The following CD300LF variants were observed in gnomAD, a reference collection of about 807,000 sequenced individuals.
The protein encoded by CD300LF is CMRF35-like molecule 1.
In CD300LF, 27 loss-of-function variants were observed where a neutral mutation model predicts 32.2. The observed-to-expected ratio is 0.84, with a 90% CI of 0.62 to 1.15. The LOEUF is 1.15. Among genes scored for constraint, CD300LF ranks in the 50% most tolerant of loss-of-function variants. The pLI, the probability that CD300LF is intolerant of heterozygous loss-of-function variation, is 0.00. For missense variants in CD300LF, 348 were observed against 356.8 expected, an observed-to-expected ratio of 0.98 and a Z score of 0.20; for synonymous variants, 139 against 143.2, an observed-to-expected ratio of 0.97 and a Z score of 0.21.
rs766095230 is a variant in CD300LF, at chr17:74,695,301, T to C, written c.718-50A>G. 8.7e-6 allele frequency: 14 copies of C among 1,606,454 alleles called. No homozygotes were observed. The South Asian group carries it at 1.2e-4, about 14-fold the overall frequency. ...CAGAGAGGACGGCAGGAAGTGACGGTCACGGGGCAGAGGAGCCCTCGGAGG... is the reference window on the plus strand; with the variant it reads ...CAGAGAGGACGGCAGGAAGTGACGGCCACGGGGCAGAGGAGCCCTCGGAGG... On this transcript the variant is annotated intron_variant, in intron 6 of 6. Coordinates refer to ENST00000326165, the MANE Select transcript of CD300LF (RefSeq NM_139018.5).
At chr17:74,702,529 A>T (rs1318933608) in intron 3 of CD300LF, among the ~76,000 whole-genome samples, 2 of 152,164 alleles carry the variant, frequency 1.3e-5, no homozygotes, top group Non-Finnish European at 2.9e-5. Context: ...TATAGGCATC[A>T]CTGTTCTTGC....
At chr17:74,711,191 G>T (rs1289724939) in intron 1 of CD300LF, among the ~76,000 whole-genome samples, 1 of 152,170 alleles carries the variant, frequency 6.6e-6, no homozygotes, top group Non-Finnish European at 1.5e-5. Flanking sequence ...AGGAGAGGCT[G>T]GCAAGAGCTG....
intron 1 of CD300LF, among the ~76,000 whole-genome samples, chr17:74,709,533 T>G (rs2033794152): frequency 6.6e-6 from 1 of 152,152 alleles, no homozygotes; most frequent in Non-Finnish European, 1.5e-5. Flanking sequence ...TTAAAAAGAC[T>G]TTTAGGACAC....
chr17:74,704,686 A>G lies in CD300LF; in HGVS notation c.174T>C (p.Ile58=). The G allele has an allele frequency of 6.2e-7, 1 of 1,614,172 alleles. No individual in the cohort carries two copies. Among genetic ancestry groups the G allele is most frequent in the Non-Finnish European group, 8.5e-7 (1 of 1,180,038 alleles). The change falls in exon 2 of 7, where the codon ATT becomes ATC. Residue 58 remains isoleucine, a synonymous_variant. Coordinates refer to ENST00000326165, the MANE Select transcript of CD300LF (RefSeq NM_139018.5). ...TYLKWWCRGA[I]WRDCKILVKT... ...TAACAAGGATCTTGCAGTCACGCCAAATAGCTCCTCGACACCACCACTTCA... is the reference window on the plus strand; with the variant it reads ...TAACAAGGATCTTGCAGTCACGCCAGATAGCTCCTCGACACCACCACTTCA...
chr17:74,704,939 C>T (rs917671256), intron 1 of CD300LF, 123 bp from the exon 2 acceptor site: 1 of 770,514 alleles, frequency 1.3e-6, no homozygotes, highest in Non-Finnish European at 2.1e-6. Context: ...GGAAGAAATA[C>T]ACCTTCCGCA....
intron 1 of CD300LF, among the ~76,000 whole-genome samples, chr17:74,707,794 A>G (rs912157483): frequency 1.3e-5 from 2 of 152,200 alleles, no homozygotes; most frequent in South Asian, 4.1e-4. Flanking sequence ...CATGAATAAG[A>G]TAAAAGGATA....
rs2032283267 is a variant in CD300LF at position 74,694,944 on chromosome 17, C to G, written c.*152G>C. ...CTAGAAGCCCCCTGAGACTTGGCCCCAAGCCCAACCCAGAGCTAGGGGCAA... is the reference window on the plus strand; with the variant it reads ...CTAGAAGCCCCCTGAGACTTGGCCCGAAGCCCAACCCAGAGCTAGGGGCAA... On this transcript the variant is annotated 3_prime_UTR_variant, in exon 7 of 7. Transcript: ENST00000326165. The G allele has an allele frequency of 1.3e-5, 11 of 834,996 alleles. No homozygotes were observed. The East Asian group carries it at 2.9e-4, about 22-fold the overall frequency. 51.7% of individuals were successfully genotyped at this position (834,996 alleles called of 1,614,324 possible).
chr17:74,698,148 G>A (rs1235679639), intron 4 of CD300LF, among the ~76,000 whole-genome samples: 5 of 152,208 alleles, frequency 3.3e-5, no homozygotes, highest in African/African-American at 1.2e-4. Context: ...GAAGGGGAAG[G>A]ACGGAGGTGC....
At chr17:74,711,225 T>C (rs2033938226) in intron 1 of CD300LF, among the ~76,000 whole-genome samples, 1 of 152,114 alleles carries the variant, frequency 6.6e-6, no homozygotes, top group African/African-American at 2.4e-5. Flanking sequence ...CACAGTGGTA[T>C]CCGGGCTCCA....
At chr17:74,712,045 G>A (rs2034005094) in intron 1 of CD300LF, among the ~76,000 whole-genome samples, 1 of 150,690 alleles carries the variant, frequency 6.6e-6, no homozygotes, top group African/African-American at 2.4e-5. Context: ...CCAAGTAGCT[G>A]GGACCATAGG....
chr17:74,696,850 C>T (rs2032526603), intron 4 of CD300LF, among the ~76,000 whole-genome samples: 2 of 152,104 alleles, frequency 1.3e-5, no homozygotes, highest in South Asian at 4.2e-4. Flanking sequence ...CCAAGCTGTC[C>T]CCCAACCCCG....
intron 1 of CD300LF, among the ~76,000 whole-genome samples, chr17:74,708,849 G>A (rs993294226): frequency 2.6e-5 from 4 of 151,046 alleles, no homozygotes; most frequent in Non-Finnish European, 4.4e-5. Context: ...CGGGGGGGCG[G>A]AGCTTGCAGT....
chr17:74,704,083 A>G (rs2033303707), intron 2 of CD300LF, among the ~76,000 whole-genome samples: 1 of 152,172 alleles, frequency 6.6e-6, no homozygotes, highest in South Asian at 2.1e-4. Flanking sequence ...ATGAAGCCCC[A>G]GCCCAGAACT....
In CD300LF at chr17:74,704,458, A is replaced by G. The variant is rs746517356; in HGVS notation, c.382+20T>C. The G allele has an allele frequency of 9.0e-6, 14 of 1,562,448 alleles. No individual in the cohort carries two copies. In the African/African-American group the frequency reaches 1.8e-4, roughly 20 times the overall value. ...AGAGCAGGCCCTGAGAGACACACACATATATACACTCCCTCTTACCTGGGT... is the reference window on the plus strand; with the variant it reads ...AGAGCAGGCCCTGAGAGACACACACGTATATACACTCCCTCTTACCTGGGT... On this transcript the variant is annotated intron_variant, in intron 2 of 6. Coordinates refer to ENST00000326165, the MANE Select transcript of CD300LF (RefSeq NM_139018.5).
rs1044657226 is a variant in CD300LF at position 74,696,002 on chromosome 17, C to T, written c.583-143G>A. On this transcript the variant is annotated intron_variant, in intron 5 of 6. Coordinates refer to ENST00000326165, the MANE Select transcript of CD300LF (RefSeq NM_139018.5). ...CCCTCCGTGTCCTCCACTTCTCAGG[C>T]TCCTGTACCCCTCAGCCCTTGTCCC... 10 of 1,261,366 alleles carry T rather than the reference C, an allele frequency of 7.9e-6. No homozygotes were observed. The African/African-American group carries it at 1.5e-4, about 19-fold the overall frequency. 78.1% of individuals were successfully genotyped at this position (1,261,366 alleles called of 1,614,324 possible). A position where few individuals can be genotyped will look rare whatever the true frequency, so the allele number is the denominator to read the frequency against.
intron 3 of CD300LF, among the ~76,000 whole-genome samples, chr17:74,699,938 C>T (rs1470664816): frequency 6.6e-6 from 1 of 151,880 alleles, no homozygotes; most frequent in African/African-American, 2.4e-5. Context: ...GTCAGGAGTT[C>T]AAGACCAGCC....
intron 1 of CD300LF, among the ~76,000 whole-genome samples, chr17:74,712,582 C>T (rs2034046991): frequency 6.6e-6 from 1 of 152,218 alleles, no homozygotes; most frequent in Non-Finnish European, 1.5e-5. Flanking sequence ...ACAGTCTGTC[C>T]ATTTCACATG....
At chr17:74,710,704 CGA>C (rs780529290) in intron 1 of CD300LF, among the ~76,000 whole-genome samples, 244 of 139,600 alleles carry the variant, frequency 1.7e-3, no homozygotes, top group African/African-American at 4.8e-3. Flanking sequence ...ACTAAAAATA[CGA>C]AAAAAAAAAA....
intron 3 of CD300LF, chr17:74,698,702 C>A: frequency 2.6e-6 from 3 of 1,155,330 alleles, no homozygotes; most frequent in South Asian, 1.8e-5. Flanking sequence ...CCAGGGCCTA[C>A]TTGAGGATGG....
Sources: gnomAD v4.1 joint callset for allele counts (sites outside exome capture counted in the v4.1 genomes callset) on GRCh38, gnomAD v4.1.1 for gene constraint, MANE v1.5 for transcripts, NCBI Gene and HGNC (gene_info 2026-07-23, HGNC 2026-07-21) for gene names.